Variants in CLEC4G observed in about 807,000 individuals in gnomAD.
The protein encoded by CLEC4G is C-type lectin superfamily 4, member G.
A neutral mutation model predicts 37.0 loss-of-function variants in CLEC4G; 34 were observed. The observed-to-expected ratio is 0.92, with a 90% CI of 0.70 to 1.22. The LOEUF (loss-of-function observed/expected upper bound fraction) is 1.22. CLEC4G is among the 50% of genes most tolerant of loss of function. The probability of loss-of-function intolerance (pLI) is 0.00; values close to 1 mark genes in which losing one functional copy is unlikely to be tolerated. For synonymous variants in CLEC4G, 167 were observed against 165.6 expected (o/e 1.01, Z -0.06); for missense variants, 390 against 392.9 (o/e 0.99, Z 0.06).
chr19:7,731,664 T>C lies in CLEC4G; in HGVS notation c.163A>G (p.Lys55Glu), dbSNP rs142080098. Residue 55 changes from lysine to glutamate, a missense_variant, in exon 2 of 9, where the codon AAG becomes GAG. Physicochemically the swap from Lys to Glu is moderately conservative, Grantham distance 56. Transcript: ENST00000328853. ...WAVILSILLS[K>E]ASTERAALLD... is the part of the protein sequence containing the mutation. ...CTCCCCATTGAGAGTCACTCACCCTTGGACAATAGGATACTCAGAATCACA... is the reference window on the plus strand; with the variant it reads ...CTCCCCATTGAGAGTCACTCACCCTCGGACAATAGGATACTCAGAATCACA... 369 of 1,613,932 alleles carry C rather than the reference T, an allele frequency of 2.3e-4. 5 individuals carry two copies. The African/African-American group carries it at 4.2e-3, about 18-fold the overall frequency.
chr19:7,731,244 A>G (rs1450395564), intron 3 of CLEC4G, 22 bp downstream of exon 3: 2 of 1,582,408 alleles, frequency 1.3e-6, no homozygotes, highest in Non-Finnish European at 1.7e-6. Context: ...CCGGGGGCCC[A>G]GGCGCCCGGC....
Position 7,730,890 on chromosome 19 carries a change from C to A in CLEC4G, c.284-31G>T, listed in dbSNP as rs989803074. 2.0e-5 allele frequency: 30 copies of A among 1,524,908 alleles called. No individual in the cohort carries two copies. Among genetic ancestry groups the A allele is most frequent in the Middle Eastern group, 2.3e-4 (1 of 4,350 alleles). The allele number at this position is 1,524,908 out of a possible 1,614,324, so 94.5% of individuals were successfully genotyped here. On this transcript the variant is annotated intron_variant, in intron 4 of 8. Transcript: ENST00000328853. This position sits in a 1 kb window ranked among gnomAD's most constrained non-coding sequence, Gnocchi z 7.3. ...AGCCGCAGGGTGAGAGGGGCGAGGGCGGCGAGGATGGGGCGGGACTTCGGA... is the reference window on the plus strand; with the variant it reads ...AGCCGCAGGGTGAGAGGGGCGAGGGAGGCGAGGATGGGGCGGGACTTCGGA...
chr19:7,730,831 G>A lies in CLEC4G; in HGVS notation c.312C>T (p.Thr104=). 2 of 1,531,654 alleles carry A rather than the reference G, an allele frequency of 1.3e-6. No individual in the cohort carries two copies. Among genetic ancestry groups the A allele is most frequent in the South Asian group, 2.4e-5 (2 of 83,788 alleles). 94.9% of individuals were successfully genotyped at this position (1,531,654 alleles called of 1,614,324 possible). A position where few individuals can be genotyped will look rare whatever the true frequency, so the allele number is the denominator to read the frequency against. The part of the protein sequence containing the change: ...CCSGTQAQLQ[T]TRAELGEAQA... ...GCGCCTCCCCAAGCTCCGCGCGCGTGGTCTGCAGCTGCGCCTGCGTCCCCG... is the reference window on the plus strand; with the variant it reads ...GCGCCTCCCCAAGCTCCGCGCGCGTAGTCTGCAGCTGCGCCTGCGTCCCCG... Residue 104 remains threonine (T), a synonymous_variant, in exon 5 of 9, where the codon ACC becomes ACT. Transcript: ENST00000328853. The surrounding 1 kb of genome is among the most constrained non-coding windows in gnomAD (Gnocchi z 7.3).
Position 7,730,925 on chromosome 19 carries a change from C to CT in CLEC4G, c.284-67_284-66insA. Reference sequence around the variant, plus strand: ...GGGGCGGGACTTCGGAGACCAGCCCCCGCCCCGCACCACCCGCCGCAGGCC... The same window carrying CT: ...GGGGCGGGACTTCGGAGACCAGCCCCTCGCCCCGCACCACCCGCCGCAGGCC... On this transcript the variant is annotated intron_variant, in intron 4 of 8. Transcript: ENST00000328853. This position sits in a 1 kb window ranked among gnomAD's most constrained non-coding sequence, Gnocchi z 7.3. The CT allele has an allele frequency of 1.3e-6, 2 of 1,489,060 alleles. No homozygotes were observed. The highest frequency in any genetic ancestry group is 2.2e-5 in the Admixed American group (1 of 45,514). The allele number at this position is 1,489,060 out of a possible 1,614,324, so 92.2% of individuals were successfully genotyped here. A position where few individuals can be genotyped will look rare whatever the true frequency, so the allele number is the denominator to read the frequency against.
At chr19:7,731,548 G>A in intron 2 of CLEC4G, 113 bp downstream of exon 2, 1 of 1,489,282 alleles carries the variant, frequency 6.7e-7, no homozygotes, top group Non-Finnish European at 9.0e-7. Flanking sequence ...CACACACTCT[G>A]CTCACACTCA....
Position 7,730,009 on chromosome 19 carries a change from C to G in CLEC4G, c.627+10G>C. 6.3e-7 allele frequency: 1 copy of G among 1,596,608 alleles called. No individual in the cohort carries two copies. The highest frequency in any genetic ancestry group is 1.1e-5 in the South Asian group (1 of 89,648). On this transcript the variant is annotated intron_variant, in intron 7 of 8. Transcript: ENST00000328853. This position sits in a 1 kb window ranked among gnomAD's most constrained non-coding sequence, Gnocchi z 7.3. The stretch of plus-strand genomic sequence containing the variant: ...CCCACCGCCTGACCACGCCCCCTCC[C>G]CCTGCGCACCTGCTCATCCAGGCCC...
In CLEC4G at chr19:7,730,558, G is replaced by T; in HGVS notation, c.389-118C>A. 1 of 1,482,294 alleles carries T rather than the reference G, an allele frequency of 6.7e-7. No individual in the cohort carries two copies. Among genetic ancestry groups the T allele is most frequent in the Non-Finnish European group, 8.9e-7 (1 of 1,120,058 alleles). 91.8% of individuals were successfully genotyped at this position (1,482,294 alleles called of 1,614,324 possible). ...TTGTACCCTCGGTGCCAGCGTCCAGGATGGCACAGGGTCAAGGGCGGTTAC... is the reference window on the plus strand; with the variant it reads ...TTGTACCCTCGGTGCCAGCGTCCAGTATGGCACAGGGTCAAGGGCGGTTAC... On this transcript the variant is annotated intron_variant, in intron 5 of 8. Coordinates refer to ENST00000328853, the MANE Select transcript of CLEC4G (RefSeq NM_198492.4). The surrounding 1 kb of genome is among the most constrained non-coding windows in gnomAD (Gnocchi z 7.3).
chr19:7,731,524 G>A, intron 2 of CLEC4G, 137 bp downstream of exon 2: 9 of 1,460,092 alleles, frequency 6.2e-6, no homozygotes, highest in South Asian at 4.1e-5. Context: ...GAGTGCACAC[G>A]GCCCAAAGAT....
chr19:7,732,077 C>T lies in CLEC4G; in HGVS notation c.26G>A (p.Trp9Ter). ...GGGGACCTCCTCGGAGCTGCCGCCC[C>T]ACTTGCTGTACCTGGTGGTGTCCAT... Reference protein sequence around the residue: MDTTRYSKWGGSSEEVPGG... With the variant: MDTTRYSK Residue 9 changes from tryptophan to a stop codon, truncating the protein, a stop_gained, in exon 1 of 9, where the codon TGG becomes TAG. Coordinates refer to ENST00000328853, the MANE Select transcript of CLEC4G (RefSeq NM_198492.4). LOFTEE classifies it high-confidence loss of function. The T allele has an allele frequency of 6.2e-7, 1 of 1,610,898 alleles. No individual in the cohort carries two copies. Among genetic ancestry groups the T allele is most frequent in the Non-Finnish European group, 8.5e-7 (1 of 1,177,008 alleles).
In CLEC4G at chr19:7,730,677, G is replaced by A. The variant is rs2033414843; in HGVS notation, c.388+78C>T. 1 of 1,477,588 alleles carries A rather than the reference G, an allele frequency of 6.8e-7. No homozygotes were observed. The highest frequency in any genetic ancestry group is 8.9e-7 in the Non-Finnish European group (1 of 1,117,414). 91.5% of individuals were successfully genotyped at this position (1,477,588 alleles called of 1,614,324 possible). On this transcript the variant is annotated intron_variant, in intron 5 of 8. Transcript: ENST00000328853. The surrounding 1 kb of genome is among the most constrained non-coding windows in gnomAD (Gnocchi z 7.3). Reference sequence around the variant, plus strand: ...CAGGACGGGGTGCATGATCGGGGTCGGGGGTCAGCACTCAGGACGGGGTCG... The same window carrying A: ...CAGGACGGGGTGCATGATCGGGGTCAGGGGTCAGCACTCAGGACGGGGTCG...
At position 7,731,774 on chromosome 19, in the gene CLEC4G, G is replaced by A; in HGVS notation, c.56-3C>T. 3.1e-6 allele frequency: 5 copies of A among 1,611,994 alleles called. No individual in the cohort carries two copies. The highest frequency in any genetic ancestry group is 4.2e-6 in the Non-Finnish European group (5 of 1,179,160). ...GTGCACCCAGCGTCCCCAGGGCCCT[G>A]GCATAACAAGGACGGCATGCTGGGT... is the stretch of plus-strand genomic sequence containing the variant. On this transcript the variant is annotated splice_region_variant and splice_polypyrimidine_tract_variant and intron_variant, in intron 1 of 8. Coordinates refer to ENST00000328853, the MANE Select transcript of CLEC4G (RefSeq NM_198492.4).
intron 8 of CLEC4G, 62 bp downstream of exon 8, chr19:7,729,759 G>T: frequency 1.9e-6 from 3 of 1,598,510 alleles, no homozygotes; most frequent in Non-Finnish European, 2.6e-6. Flanking sequence ...TCTAGCCAAA[G>T]CATGTCCTCT....
At position 7,730,102 on chromosome 19, in the gene CLEC4G, G is replaced by T; in HGVS notation, c.544C>A (p.Pro182Thr). The T allele has an allele frequency of 1.2e-6, 2 of 1,611,778 alleles. No homozygotes were observed. The highest frequency in any genetic ancestry group is 3.3e-4 in the Middle Eastern group (2 of 6,060). Residue 182 changes from proline (P) to threonine (T), a missense_variant, in exon 7 of 9, where the codon CCA becomes ACA. Coordinates refer to ENST00000328853, the MANE Select transcript of CLEC4G (RefSeq NM_198492.4). This position sits in a 1 kb window ranked among gnomAD's most constrained non-coding sequence, Gnocchi z 7.3. ...TGCGCCGCCGCCCACGTCGTCTTTG[G>T]CACAGAGAAAAAGTAGCAGGAGCCC... ...FEGSCYFFSVPKTTWAAAQDH... is the reference protein window; with the variant it reads ...FEGSCYFFSVTKTTWAAAQDH...
rs752077062 is a variant in CLEC4G, at chr19:7,729,425, C to T, written c.823G>A (p.Asp275Asn). Reference protein sequence around the residue: ...VMMLHTGLWNDAPCDSEKDGW... With the variant: ...VMMLHTGLWNNAPCDSEKDGW... Reference sequence around the variant, plus strand: ...TCCTTCTCGCTGTCACACGGTGCGTCGTTCCACAGCCCCGTGTGCAGCATC... The same window carrying T: ...TCCTTCTCGCTGTCACACGGTGCGTTGTTCCACAGCCCCGTGTGCAGCATC... The change falls in exon 9 of 9, where the codon GAC becomes AAC. Residue 275 changes from aspartate (D) to asparagine (N), a missense_variant. By Grantham distance (23) the Asp-to-Asn change is conservative (BLOSUM62 1). Transcript: ENST00000328853. 5 of 1,601,464 alleles carry T rather than the reference C, an allele frequency of 3.1e-6. No homozygotes were observed. In the South Asian group the frequency reaches 3.3e-5, roughly 11 times the overall value.
chr19:7,731,374 C>T, intron 2 of CLEC4G, 55 bp from the exon 3 acceptor site: 3 of 1,532,974 alleles, frequency 2.0e-6, no homozygotes, highest in Non-Finnish European at 2.6e-6. Flanking sequence ...CCTCCCCTCG[C>T]CCGGGGGGTG....
In CLEC4G at chr19:7,730,644, G is replaced by C. The variant is rs1037128904; in HGVS notation, c.388+111C>G. On this transcript the variant is annotated intron_variant, in intron 5 of 8. Coordinates refer to ENST00000328853, the MANE Select transcript of CLEC4G (RefSeq NM_198492.4). The surrounding 1 kb of genome is among the most constrained non-coding windows in gnomAD (Gnocchi z 7.3). The stretch of plus-strand genomic sequence containing the variant: ...GTGGCAGTCAAGGTCAGAGTGCAGC[G>C]TCAGGGTCAGGACGGGGTGCATGAT... 6.9e-7 allele frequency: 1 copy of C among 1,456,854 alleles called. No homozygotes were observed. Among genetic ancestry groups the C allele is most frequent in the African/African-American group, 1.4e-5 (1 of 70,874 alleles). 90.2% of individuals were successfully genotyped at this position (1,456,854 alleles called of 1,614,324 possible).
Position 7,729,439 on chromosome 19 carries a change from G to C in CLEC4G, c.809C>G (p.Thr270Arg). 1.2e-6 allele frequency: 2 copies of C among 1,600,536 alleles called. No homozygotes were observed. The highest frequency in any genetic ancestry group is 1.7e-6 in the Non-Finnish European group (2 of 1,167,766). ...GRENCVMMLH[T>R]GLWNDAPCDS... Reference sequence around the variant, plus strand: ...ACACGGTGCGTCGTTCCACAGCCCCGTGTGCAGCATCATGACACAGTTCTC... The same window carrying C: ...ACACGGTGCGTCGTTCCACAGCCCCCTGTGCAGCATCATGACACAGTTCTC... Residue 270 changes from threonine (T) to arginine (R), a missense_variant, in exon 9 of 9, where the codon ACG becomes AGG. Physicochemically the swap from Thr to Arg is moderately conservative, Grantham distance 71. Transcript: ENST00000328853.
chr19:7,731,384 G>T, intron 2 of CLEC4G, 65 bp from the exon 3 acceptor site: 2 of 1,527,860 alleles, frequency 1.3e-6, no homozygotes, highest in East Asian at 4.9e-5. Context: ...CCCGGGGGGT[G>T]CAGCGTCCCC....
At chr19:7,731,979 C>T in intron 1 of CLEC4G, 69 bp downstream of exon 1, 1 of 1,468,790 alleles carries the variant, frequency 6.8e-7, no homozygotes, top group Non-Finnish European at 9.5e-7. Flanking sequence ...CCTGTCTCGA[C>T]TCTTCCCTCC....
Sources: gnomAD v4.1 joint callset for allele counts on GRCh38, gnomAD v4.1.1 for gene constraint, Gnocchi (gnomAD v3.1) non-coding constraint, MANE v1.5 for transcripts, NCBI Gene and HGNC (gene_info 2026-07-23, HGNC 2026-07-21) for gene names.